The following MKRN2 variants were observed in gnomAD, a reference collection of about 807,000 sequenced individuals.
The protein encoded by MKRN2 is makorin ring finger protein 2.
A neutral mutation model predicts 45.4 loss-of-function variants in MKRN2; 32 were observed. That is an observed-to-expected ratio of 0.70 (90% CI 0.53 to 0.95). MKRN2 has a LOEUF of 0.95. Among genes scored for constraint, MKRN2 ranks in the 40% least tolerant of loss-of-function variants. The pLI is 0.00. For missense variants in MKRN2, 526 were observed against 536.7 expected (o/e 0.98, Z 0.20); for synonymous variants, 206 against 192.4 (o/e 1.07, Z -0.59).
At chr3:12,558,349 G>T (rs2058001967) in intron 1 of MKRN2, among the ~76,000 whole-genome samples, 1 of 152,162 alleles carries the variant, frequency 6.6e-6, no homozygotes, top group Non-Finnish European at 1.5e-5. Context: ...AGACGGGTTT[G>T]TGTGTGTTTA....
At chr3:12,573,390 A>C (rs1048536798) in intron 4 of MKRN2, among the ~76,000 whole-genome samples, 3 of 151,630 alleles carry the variant, frequency 2.0e-5, no homozygotes, top group African/African-American at 7.3e-5. Flanking sequence ...AACATTAGCC[A>C]GGTGTGGTGG....
In MKRN2 at chr3:12,582,896, A is replaced by G. The variant is rs886617488; in HGVS notation, c.*643A>G. 6.6e-6 allele frequency: 1 copy of G among 152,592 alleles called. No homozygotes were observed. The highest frequency in any genetic ancestry group is 2.4e-5 in the African/African-American group (1 of 41,430). 9.5% of individuals were successfully genotyped at this position (152,592 alleles called of 1,614,324 possible). A position where few individuals can be genotyped will look rare whatever the true frequency, so the allele number is the denominator to read the frequency against. ...TGCAGCAAACAAAGTGGAAGTATAG[A>G]TCTTCTTCTCCCTTAGGGAGGCTCT... On this transcript the variant is annotated 3_prime_UTR_variant, in exon 8 of 8. Coordinates refer to ENST00000170447, the MANE Select transcript of MKRN2 (RefSeq NM_014160.5).
At chr3:12,580,835 A>T (rs772918976) in intron 6 of MKRN2, among the ~76,000 whole-genome samples, 1 of 152,186 alleles carries the variant, frequency 6.6e-6, no homozygotes, top group African/African-American at 2.4e-5. Flanking sequence ...CCCATCTGAC[A>T]AGACGGAAAA....
chr3:12,575,813 A>T (rs1458186191), intron 5 of MKRN2, among the ~76,000 whole-genome samples: 1 of 152,164 alleles, frequency 6.6e-6, no homozygotes, highest in Non-Finnish European at 1.5e-5. Flanking sequence ...CACTGAGCAT[A>T]GTGTTGTCAG....
intron 6 of MKRN2, among the ~76,000 whole-genome samples, chr3:12,577,899 A>C (rs2058152767): frequency 6.6e-6 from 1 of 150,826 alleles, no homozygotes; most frequent in Admixed American, 6.6e-5. Context: ...CTGGTCTCAA[A>C]CTCCTGACCT....
At chr3:12,568,554 G>A (rs2058081796) in intron 1 of MKRN2, among the ~76,000 whole-genome samples, 1 of 152,216 alleles carries the variant, frequency 6.6e-6, no homozygotes, top group South Asian at 2.1e-4. Flanking sequence ...TGAGAACAGA[G>A]AGAACAGTTT....
Position 12,582,395 on chromosome 3 carries a change from A to G in MKRN2, c.*142A>G. 1.0e-6 allele frequency: 1 copy of G among 988,622 alleles called. No homozygotes were observed. Among genetic ancestry groups the G allele is most frequent in the Non-Finnish European group, 1.5e-6 (1 of 662,316 alleles). The allele number at this position is 988,622 out of a possible 1,614,324, so 61.2% of individuals were successfully genotyped here. A position where few individuals can be genotyped will look rare whatever the true frequency, so the allele number is the denominator to read the frequency against. On this transcript the variant is annotated 3_prime_UTR_variant, in exon 8 of 8. Coordinates refer to ENST00000170447, the MANE Select transcript of MKRN2 (RefSeq NM_014160.5). ...GTTGGGCTTAGCCTTAGTCTCATTC[A>G]ATCTCCATTATTACAGCCATGGGGA...
chr3:12,560,517 A>G (rs1257915030), intron 1 of MKRN2, among the ~76,000 whole-genome samples: 2 of 151,022 alleles, frequency 1.3e-5, no homozygotes, highest in African/African-American at 2.4e-5. Flanking sequence ...GATGCAAATT[A>G]CCTGTATACT....
chr3:12,581,999 G>T (rs759157333), intron 7 of MKRN2, 47 bp downstream of exon 7: 31 of 1,609,578 alleles, frequency 1.9e-5, no homozygotes, highest in Admixed American at 6.7e-5. Flanking sequence ...GCAGCTGTGG[G>T]CATTTCCAGG....
chr3:12,576,708 A>G lies in MKRN2; in HGVS notation c.935A>G (p.Asn312Ser), dbSNP rs368181313. The stretch of plus-strand genomic sequence containing the variant: ...TGGGTGGAAGATCAGAATAAAAAGA[A>G]CGAGTTGATTGAAGCTTTCAAACAG... ...VYWVEDQNKK[N>S]ELIEAFKQGM... Residue 312 changes from asparagine to serine, a missense_variant, in exon 6 of 8, where the codon AAC becomes AGC. Coordinates refer to ENST00000170447, the MANE Select transcript of MKRN2 (RefSeq NM_014160.5). 98 of 1,609,252 alleles carry G rather than the reference A, an allele frequency of 6.1e-5. No homozygotes were observed. Among genetic ancestry groups the G allele is most frequent in the Non-Finnish European group, 7.5e-5 (88 of 1,176,044 alleles).
chr3:12,581,800 C>T lies in MKRN2; in HGVS notation c.969-8C>T, dbSNP rs1362838246. 6.2e-7 allele frequency: 1 copy of T among 1,613,408 alleles called. No individual in the cohort carries two copies. The highest frequency in any genetic ancestry group is 8.5e-7 in the Non-Finnish European group (1 of 1,179,770). Reference sequence around the variant, plus strand: ...CCAGCCTCTTGACTTTTTCTTTCTGCTTTTCAGGAAAAAAGCCTGTAAATA... The same window carrying T: ...CCAGCCTCTTGACTTTTTCTTTCTGTTTTTCAGGAAAAAAGCCTGTAAATA... On this transcript the variant is annotated splice_polypyrimidine_tract_variant and splice_region_variant and intron_variant, in intron 6 of 7. Transcript: ENST00000170447.
At chr3:12,561,478 T>G (rs1449112305) in intron 1 of MKRN2, among the ~76,000 whole-genome samples, 1 of 152,172 alleles carries the variant, frequency 6.6e-6, no homozygotes, top group Non-Finnish European at 1.5e-5. Flanking sequence ...CTGTTCTAAT[T>G]GCTTCAAAAG....
In MKRN2 at chr3:12,572,381, C is replaced by G. The variant is rs368870651; in HGVS notation, c.642+8C>G. 1.3e-6 allele frequency: 2 copies of G among 1,546,748 alleles called. No homozygotes were observed. Among genetic ancestry groups the G allele is most frequent in the Non-Finnish European group, 1.7e-6 (2 of 1,143,582 alleles). On this transcript the variant is annotated splice_region_variant and intron_variant, in intron 4 of 7. Coordinates refer to ENST00000170447, the MANE Select transcript of MKRN2 (RefSeq NM_014160.5). ...AGGAAGGCTCATGAAAAGGTAAAGT[C>G]ACAAACCTTTGCATGAACTCATGTT... is the stretch of plus-strand genomic sequence containing the variant.
chr3:12,571,856 GTTTT>G (rs796452842), intron 3 of MKRN2, among the ~76,000 whole-genome samples: 46 of 151,190 alleles, frequency 3.0e-4, no homozygotes, highest in African/African-American at 1.0e-3. Context: ...TTTGTTTTTT[GTTTT>G]TTGTTTTTTT....
At chr3:12,580,865 C>T (rs2058173115) in intron 6 of MKRN2, among the ~76,000 whole-genome samples, 1 of 152,248 alleles carries the variant, frequency 6.6e-6, no homozygotes, top group Non-Finnish European at 1.5e-5. Flanking sequence ...TCAGGAGCCT[C>T]CTTTCCCTGT....
Position 12,583,266 on chromosome 3 carries a change from A to G in MKRN2, c.*1013A>G, listed in dbSNP as rs2058201217. The G allele has an allele frequency of 1.3e-5, 2 of 152,552 alleles. No individual in the cohort carries two copies. Among genetic ancestry groups the G allele is most frequent in the East Asian group, 3.8e-4 (2 of 5,260 alleles). 9.4% of individuals were successfully genotyped at this position (152,552 alleles called of 1,614,324 possible). On this transcript the variant is annotated 3_prime_UTR_variant, in exon 8 of 8. Transcript: ENST00000170447. ...TGATTTTAATTGAAGGGTGAGCATA[A>G]CCTTGTGAACCAGCACTAGCTTGTT...
In MKRN2 at chr3:12,582,209, G is replaced by T. The variant is rs546564318; in HGVS notation, c.1207G>T (p.Asp403Tyr). 132 of 1,614,114 alleles carry T rather than the reference G, an allele frequency of 8.2e-5. No homozygotes were observed. In the East Asian group the frequency reaches 2.9e-3, roughly 35 times the overall value. Residue 403 changes from aspartate (D) to tyrosine (Y), a missense_variant, in exon 8 of 8, where the codon GAC becomes TAC. Asp to Tyr is a radical substitution (Grantham distance 160). Transcript: ENST00000170447. Reference sequence around the variant, plus strand: ...AGATGTCGACATGACAGAGCTCGGGGACCTCTTCATGCACCTTTCTGGAGT... The same window carrying T: ...AGATGTCGACATGACAGAGCTCGGGTACCTCTTCATGCACCTTTCTGGAGT... Reference protein sequence around the residue: ...NEDVDMTELGDLFMHLSGVES... With the variant: ...NEDVDMTELGYLFMHLSGVES...
In MKRN2 at chr3:12,557,155, G is replaced by A. The variant is rs2057981655; in HGVS notation, c.5G>A (p.Ser2Asn). Residue 2 changes from serine to asparagine, a missense_variant, in exon 1 of 8, where the codon AGC (serine) becomes AAC (asparagine). Transcript: ENST00000170447. The part of the protein sequence containing the change: M[S>N]TKQITCRYFM... ...CGGTCCCTCAGCCCAGCCACCATGA[G>A]CACCAAGCAGATCACTTGCAGGTCA... is the stretch of plus-strand genomic sequence containing the variant. 2 of 1,534,630 alleles carry A rather than the reference G, an allele frequency of 1.3e-6. No homozygotes were observed. Among genetic ancestry groups the A allele is most frequent in the East Asian group, 5.1e-5 (2 of 39,518 alleles).
chr3:12,574,686 T>A (rs1457223372), intron 4 of MKRN2, 106 bp from the exon 5 acceptor site: 1 of 1,059,658 alleles, frequency 9.4e-7, no homozygotes, highest in East Asian at 2.4e-5. Context: ...GCTGTCAGTG[T>A]TCCTTCCTGA....
Sources: allele counts gnomAD v4.1 joint callset (sites outside exome capture counted in the v4.1 genomes callset), GRCh38; gene constraint gnomAD v4.1.1; transcripts MANE v1.5; gene names NCBI Gene and HGNC (gene_info 2026-07-23, HGNC 2026-07-21).